The following UGT1A10 variants were observed in gnomAD, a reference collection of about 807,000 sequenced individuals.
The protein encoded by UGT1A10 is UDP glucuronosyltransferase family 1 member A10.
In UGT1A10, 49 loss-of-function variants were observed where a neutral mutation model predicts 45.8. The observed-to-expected ratio is 1.07, with a 90% CI of 0.85 to 1.36. UGT1A10 has a LOEUF of 1.36. Ranked by LOEUF, UGT1A10 falls within the 40% of genes most tolerant of loss-of-function variation. The pLI is 0.00. For synonymous variants in UGT1A10, 284 were observed against 249.7 expected, an observed-to-expected ratio of 1.14 and a Z score of -1.29; for missense variants, 745 against 668.6, an observed-to-expected ratio of 1.11 and a Z score of -1.26.
At chr2:233,693,594 CA>C in intron 1 of UGT1A10, 1 of 1,614,202 alleles carries the variant, frequency 6.2e-7, no homozygotes, top group Middle Eastern at 1.6e-4. Context: ...AGGTGCTACA[CA>C]AAGTTTTCAG....
At chr2:233,704,315 A>G (rs2075780426) in intron 1 of UGT1A10, among the ~76,000 whole-genome samples, 2 of 132,700 alleles carry the variant, frequency 1.5e-5, no homozygotes, top group South Asian at 4.6e-4. Flanking sequence ...AAATCCTTTA[A>G]TGTTTTTCTT....
At chr2:233,672,824 T>G (rs1331719438) in intron 1 of UGT1A10, 1 of 1,575,234 alleles carries the variant, frequency 6.3e-7, no homozygotes, top group South Asian at 1.2e-5. Flanking sequence ...TTAAGAATAC[T>G]TCACCTTTGG....
intron 1 of UGT1A10, among the ~76,000 whole-genome samples, chr2:233,646,785 C>G (rs373087146): frequency 6.6e-6 from 1 of 152,180 alleles, no homozygotes; most frequent in Non-Finnish European, 1.5e-5. Flanking sequence ...CCTACATTTT[C>G]CTGTCTTCTT....
chr2:233,736,460 A>G (rs1342574700), intron 1 of UGT1A10, among the ~76,000 whole-genome samples: 1 of 152,154 alleles, frequency 6.6e-6, no homozygotes, highest in Non-Finnish European at 1.5e-5. Context: ...TCGAACATGC[A>G]CTTTTAGCTT....
chr2:233,760,116 A>G lies in UGT1A10; in HGVS notation c.856-6918A>G. 2.4e-6 allele frequency: 3 copies of G among 1,260,492 alleles called. No homozygotes were observed. In the South Asian group the frequency reaches 4.7e-5, roughly 20 times the overall value. The allele number at this position is 1,260,492 out of a possible 1,614,324, so 78.1% of individuals were successfully genotyped here. ...GTTGTTGCCTATTAAGAAACCTAATAAAGCTCCACCTTCTTTATCTCTGAA... is the reference window on the plus strand; with the variant it reads ...GTTGTTGCCTATTAAGAAACCTAATGAAGCTCCACCTTCTTTATCTCTGAA... On this transcript the variant is annotated intron_variant, in intron 1 of 4. Transcript: ENST00000344644.
In UGT1A10 at chr2:233,772,986, C is replaced by A; in HGVS notation, c.*427C>A. 3.5e-6 allele frequency: 1 copy of A among 282,682 alleles called. No homozygotes were observed. The highest frequency in any genetic ancestry group is 6.8e-6 in the Non-Finnish European group (1 of 146,824). 17.5% of individuals were successfully genotyped at this position (282,682 alleles called of 1,614,324 possible). A position where few individuals can be genotyped will look rare whatever the true frequency, so the allele number is the denominator to read the frequency against. On this transcript the variant is annotated 3_prime_UTR_variant, in exon 5 of 5. Transcript: ENST00000344644. ...TGATCCTTAACCAATAATGGTCAGTCCTCATCTCTGTCGTGCTTCATAGGT... is the reference window on the plus strand; with the variant it reads ...TGATCCTTAACCAATAATGGTCAGTACTCATCTCTGTCGTGCTTCATAGGT...
Position 233,767,921 on chromosome 2 carries a change from C to T in UGT1A10, c.1060C>T (p.Gln354Ter), listed in dbSNP as rs72551350. 5.6e-6 allele frequency: 9 copies of T among 1,614,068 alleles called. No homozygotes were observed. Among genetic ancestry groups the T allele is most frequent in the Non-Finnish European group, 7.6e-6 (9 of 1,180,058 alleles). ...NNTILVKWLP[Q>*]NDLLGHPMTR... ...CACGATACTTGTTAAGTGGCTACCC[C>T]AAAACGATCTGCTTGGTATGTTGGG... The change falls in exon 3 of 5, where the codon CAA becomes TAA. Residue 354 changes from glutamine (Q) to a stop codon, truncating the protein, a stop_gained. Coordinates refer to ENST00000344644, the MANE Select transcript of UGT1A10 (RefSeq NM_019075.4). LOFTEE classifies it high-confidence loss of function.
At chr2:233,645,815 G>A (rs2073586533) in intron 1 of UGT1A10, among the ~76,000 whole-genome samples, 1 of 152,210 alleles carries the variant, frequency 6.6e-6, no homozygotes, top group South Asian at 2.1e-4. Flanking sequence ...CAGGTGCACA[G>A]TGCAAACTAT....
chr2:233,741,124 A>T (rs1048949215), intron 1 of UGT1A10, among the ~76,000 whole-genome samples: 1 of 151,714 alleles, frequency 6.6e-6, no homozygotes, highest in Non-Finnish European at 1.5e-5. Context: ...ACTTCTATAA[A>T]AGCAACACTT....
At chr2:233,696,501 T>C (rs1019151525) in intron 1 of UGT1A10, among the ~76,000 whole-genome samples, 1 of 152,252 alleles carries the variant, frequency 6.6e-6, no homozygotes, top group Admixed American at 6.5e-5. Flanking sequence ...CGAATTTGCT[T>C]GTCAGTTCTA....
intron 1 of UGT1A10, among the ~76,000 whole-genome samples, chr2:233,701,633 T>C (rs926764680): frequency 6.6e-6 from 1 of 152,218 alleles, no homozygotes; most frequent in Non-Finnish European, 1.5e-5. Context: ...ACAGAAATTA[T>C]AGCAAACTGT....
chr2:233,664,666 C>T (rs751202765), intron 1 of UGT1A10, among the ~76,000 whole-genome samples: 5 of 152,146 alleles, frequency 3.3e-5, no homozygotes, highest in Non-Finnish European at 5.9e-5. Flanking sequence ...TACTCACTGA[C>T]TATTGCAAGG....
intron 1 of UGT1A10, chr2:233,719,813 A>C: frequency 6.3e-7 from 1 of 1,586,286 alleles, no homozygotes; most frequent in Non-Finnish European, 8.6e-7. Context: ...TCTTTATAAC[A>C]GATAAACTGT....
At position 233,636,457 on chromosome 2, in the gene UGT1A10, C is replaced by A; in HGVS notation, c.-66C>A. 4 of 1,544,680 alleles carry A rather than the reference C, an allele frequency of 2.6e-6. No homozygotes were observed. The highest frequency in any genetic ancestry group is 3.5e-6 in the Non-Finnish European group (4 of 1,145,526). On this transcript the variant is annotated 5_prime_UTR_variant, in exon 1 of 5. Transcript: ENST00000344644. ...ATTGGGGTCAGGTTTTGTGCCTGTA[C>A]TTCTTCCGCCTACTGTATCATAGCA...
intron 1 of UGT1A10, among the ~76,000 whole-genome samples, chr2:233,670,358 T>C (rs765640225): frequency 6.6e-6 from 1 of 152,220 alleles, no homozygotes; most frequent in African/African-American, 2.4e-5. Flanking sequence ...CAGAATTACA[T>C]CATAATTATT....
At chr2:233,669,928 G>T (rs569212436) in intron 1 of UGT1A10, among the ~76,000 whole-genome samples, 4 of 151,954 alleles carry the variant, frequency 2.6e-5, no homozygotes, top group Non-Finnish European at 5.9e-5. Flanking sequence ...CCCGTGATAC[G>T]CCCACCTTGA....
intron 1 of UGT1A10, chr2:233,755,057 C>G: frequency 7.5e-7 from 1 of 1,333,978 alleles, no homozygotes; most frequent in Non-Finnish European, 1.0e-6. Context: ...CCTCCGCCCT[C>G]GCCTCGCCAT....
intron 1 of UGT1A10, among the ~76,000 whole-genome samples, chr2:233,731,443 A>T (rs1454416898): frequency 6.6e-6 from 1 of 151,114 alleles, no homozygotes; most frequent in Non-Finnish European, 1.5e-5. Context: ...CCAGTCCCCC[A>T]CCCCACAACA....
intron 1 of UGT1A10, chr2:233,761,266 C>T: frequency 1.3e-6 from 2 of 1,594,552 alleles, no homozygotes; most frequent in South Asian, 1.1e-5. Context: ...ATTTAAAATG[C>T]CCTCTTTTGT....
Sources: allele counts gnomAD v4.1 joint callset (sites outside exome capture counted in the v4.1 genomes callset), GRCh38; gene constraint gnomAD v4.1.1; transcripts MANE v1.5; gene names NCBI Gene and HGNC (gene_info 2026-07-23, HGNC 2026-07-21).